The following DLGAP2 variants were observed in gnomAD, a reference collection of about 807,000 sequenced individuals.
DLGAP2 encodes the protein DLG associated protein 2, also known as disks large-associated protein 2.
DLGAP2 carries 26 observed loss-of-function variants against 100.3 expected under a neutral mutation model. The ratio of observed to expected loss-of-function variants is 0.26; its 90% CI spans 0.19 to 0.36. The LOEUF (loss-of-function observed/expected upper bound fraction) is 0.36, where lower values mean the gene tolerates loss of function less well. DLGAP2 is among the 10% of genes least tolerant of loss of function. The probability of loss-of-function intolerance (pLI) is 1.00; values close to 1 mark genes in which losing one functional copy is unlikely to be tolerated. For synonymous variants in DLGAP2, 886 were observed against 630.1 expected (o/e 1.41, Z -6.08); for missense variants, 1,858 against 1,453.2 (o/e 1.28, Z -4.53).
chr8:1,078,294 G>A (rs1190478624), intron 2 of DLGAP2, among the ~76,000 whole-genome samples: 1 of 152,194 alleles, frequency 6.6e-6, no homozygotes, highest in East Asian at 1.9e-4. Flanking sequence ...GAAGCATTGA[G>A]CTGAAATTAC....
intron 2 of DLGAP2, among the ~76,000 whole-genome samples, chr8:908,704 G>A (rs999606904): frequency 2.0e-5 from 3 of 152,170 alleles, no homozygotes; most frequent in Non-Finnish European, 2.9e-5. Context: ...TTTTATCAAA[G>A]AAATTGCAAG....
intron 3 of DLGAP2, among the ~76,000 whole-genome samples, chr8:1,458,351 A>T (rs1370582039): frequency 6.6e-6 from 1 of 152,150 alleles, no homozygotes; most frequent in African/African-American, 2.4e-5. Flanking sequence ...AGTAAGGATA[A>T]AACCTTTTAC....
chr8:1,576,682 T>C (rs558041597), intron 6 of DLGAP2, among the ~76,000 whole-genome samples: 3 of 152,336 alleles, frequency 2.0e-5, no homozygotes, highest in African/African-American at 7.2e-5. Flanking sequence ...CAGCTACGTA[T>C]GGCTAGCCAG....
chr8:1,329,760 T>A (rs1214980602), intron 3 of DLGAP2, among the ~76,000 whole-genome samples: 1 of 152,220 alleles, frequency 6.6e-6, no homozygotes, highest in Non-Finnish European at 1.5e-5. Flanking sequence ...TAGCCCCGGC[T>A]GTACCTGCCT....
intron 2 of DLGAP2, among the ~76,000 whole-genome samples, chr8:1,191,065 G>C (rs1797623996): frequency 2.6e-5 from 4 of 152,344 alleles, no homozygotes; most frequent in African/African-American, 7.2e-5. Context: ...CACGGGGAGA[G>C]GCTGGGTTCT....
chr8:1,616,706 A>G (rs1797165354), intron 6 of DLGAP2, among the ~76,000 whole-genome samples: 1 of 152,244 alleles, frequency 6.6e-6, no homozygotes, highest in Non-Finnish European at 1.5e-5. Context: ...ATCTATTTTT[A>G]ACTTAAATAC....
At chr8:768,479 C>T (rs1426311411) in intron 1 of DLGAP2, among the ~76,000 whole-genome samples, 1 of 132,232 alleles carries the variant, frequency 7.6e-6, no homozygotes, top group Non-Finnish European at 1.5e-5. Context: ...GGCTGGAGTG[C>T]AGTGGTGTGA....
intron 2 of DLGAP2, among the ~76,000 whole-genome samples, chr8:1,230,808 C>T (rs937456983): frequency 2.6e-5 from 4 of 152,118 alleles, no homozygotes; most frequent in Admixed American, 2.0e-4. Context: ...TAGCCTTATG[C>T]AAAGAATGAA....
chr8:851,853 C>G (rs141778314), intron 1 of DLGAP2, among the ~76,000 whole-genome samples: 1 of 149,166 alleles, frequency 6.7e-6, no homozygotes, highest in East Asian at 2.0e-4. Context: ...GTGGCGGGAG[C>G]TGCAGGGGGC....
intron 2 of DLGAP2, among the ~76,000 whole-genome samples, chr8:1,212,567 C>T (rs779115151): frequency 2.1e-4 from 32 of 151,936 alleles, no homozygotes; most frequent in Admixed American, 2.0e-4. Flanking sequence ...GAGAGAGAGA[C>T]GTATTAACAA....
intron 2 of DLGAP2, among the ~76,000 whole-genome samples, chr8:934,308 G>T (rs1799019262): frequency 8.9e-6 from 1 of 112,200 alleles, no homozygotes. Context: ...GGCACGAGGG[G>T]AGGGTGAGGG....
intron 1 of DLGAP2, among the ~76,000 whole-genome samples, chr8:804,489 G>C (rs1478361946): frequency 3.3e-5 from 5 of 152,160 alleles, no homozygotes; most frequent in Non-Finnish European, 7.3e-5. Context: ...CCTTGTTGCT[G>C]TTTCCGTGTG....
intron 6 of DLGAP2, among the ~76,000 whole-genome samples, chr8:1,594,875 TG>T (rs1796402296): frequency 6.6e-6 from 1 of 152,192 alleles, no homozygotes; most frequent in African/African-American, 2.4e-5. Context: ...CCATGCCCCC[TG>T]GGCACAGCCA....
intron 3 of DLGAP2, among the ~76,000 whole-genome samples, chr8:1,335,116 T>C (rs747075279): frequency 1.3e-5 from 2 of 152,188 alleles, no homozygotes; most frequent in Non-Finnish European, 2.9e-5. Context: ...GAACTCCTCA[T>C]CCAAGACACG....
intron 2 of DLGAP2, among the ~76,000 whole-genome samples, chr8:1,010,320 T>C (rs1584971383): frequency 6.7e-6 from 1 of 150,230 alleles, no homozygotes; most frequent in Admixed American, 6.6e-5. Flanking sequence ...TATACACACA[T>C]ACACACATGT....
At chr8:1,292,582 A>T (rs1414202927) in intron 3 of DLGAP2, among the ~76,000 whole-genome samples, 1 of 152,160 alleles carries the variant, frequency 6.6e-6, no homozygotes, top group Admixed American at 6.5e-5. Flanking sequence ...TTTATTTTAA[A>T]TTCTCCCTGA....
chr8:1,270,467 T>C (rs1314117300), intron 3 of DLGAP2, among the ~76,000 whole-genome samples: 1 of 152,228 alleles, frequency 6.6e-6, no homozygotes, highest in Non-Finnish European at 1.5e-5. Context: ...CTGTTTCCAC[T>C]CTTGCCTTAC....
intron 4 of DLGAP2, among the ~76,000 whole-genome samples, chr8:1,506,778 A>G (rs746128754): frequency 6.6e-6 from 1 of 151,804 alleles, no homozygotes; most frequent in Non-Finnish European, 1.5e-5. Context: ...GAGCTAGACA[A>G]AGAGTGCTGA....
chr8:738,788 G>C (rs1295201303), intron 1 of DLGAP2: 3 of 152,844 alleles, frequency 2.0e-5, no homozygotes, highest in Non-Finnish European at 4.4e-5. Flanking sequence ...CTGGACCTGG[G>C]AACCCGGGGA....
Sources: gnomAD v4.1 joint callset for allele counts (sites outside exome capture counted in the v4.1 genomes callset) on GRCh38, gnomAD v4.1.1 for gene constraint, MANE v1.5 for transcripts, NCBI Gene and HGNC (gene_info 2026-07-23, HGNC 2026-07-21) for gene names.